Variants in GPAT2 observed in about 807,000 individuals in gnomAD.
The protein encoded by GPAT2 is glycerol-3-phosphate acyltransferase 2, mitochondrial.
In GPAT2, 51 loss-of-function variants were observed where a neutral mutation model predicts 71.0. That is an observed-to-expected ratio of 0.72 (90% CI 0.57 to 0.91). GPAT2 has a LOEUF of 0.91. Ranked by LOEUF, GPAT2 falls within the 40% of genes least tolerant of loss-of-function variation. The pLI is 0.00. For missense variants in GPAT2, 511 were observed against 666.0 expected (o/e 0.77, Z 2.56); for synonymous variants, 222 against 290.3 (o/e 0.76, Z 2.39).
rs1393427172 is a variant in GPAT2 at position 96,023,409 on chromosome 2, CCT to C, written c.1944_1945del (p.Gly649AlafsTer18). The C allele has an allele frequency of 6.2e-7, 1 of 1,613,998 alleles. No homozygotes were observed. The highest frequency in any genetic ancestry group is 1.3e-5 in the African/African-American group (1 of 74,946). On this transcript the variant is annotated frameshift_variant, in exon 18 of 22. Coordinates refer to ENST00000434632, the MANE Select transcript of GPAT2 (RefSeq NM_001321527.2). LOFTEE classifies it high-confidence loss of function. ...CAGCTTTCTGCTCAATCGCTGTCGC[CCT>C]GTGTCACAGGCTGGCCGGGAGCCTG...
rs762053866 is a variant in GPAT2, at chr2:96,024,453, G to A, written c.1661C>T (p.Pro554Leu). 6.2e-7 allele frequency: 1 copy of A among 1,613,902 alleles called. No individual in the cohort carries two copies. Among genetic ancestry groups the A allele is most frequent in the African/African-American group, 1.3e-5 (1 of 75,038 alleles). The change falls in exon 15 of 22, where the codon CCC becomes CTC. Residue 554 changes from proline (P) to leucine (L), a missense_variant. Pro to Leu is a moderately conservative substitution (Grantham distance 98). Coordinates refer to ENST00000434632, the MANE Select transcript of GPAT2 (RefSeq NM_001321527.2). ...GCCCACAGCCTCGCTCAGGAAGACG[G>A]GCAGCAGCTCAGCACTCAGTTGTGC... ...HLAQLSAELL[P>L]VFLSEAVGAC...
chr2:96,023,264 C>T (rs369099389), intron 18 of GPAT2, 38 bp from the exon 19 acceptor site: 62 of 1,613,570 alleles, frequency 3.8e-5, no homozygotes, highest in Admixed American at 1.0e-4. Context: ...AGCTCCCCAC[C>T]GCCTCCCTAC....
rs769381236 is a variant in GPAT2 at position 96,025,477 on chromosome 2, A to G, written c.1357+8T>C. 33 of 1,572,084 alleles carry G rather than the reference A, an allele frequency of 2.1e-5. No individual in the cohort carries two copies. The South Asian group carries it at 3.1e-4, about 15-fold the overall frequency. On this transcript the variant is annotated splice_region_variant and intron_variant, in intron 13 of 21. Transcript: ENST00000434632. ...ACCCGCAAAGGCCCAGATCTGGTTCACCCTCACCACTCAGGACATGACAGC... is the reference window on the plus strand; with the variant it reads ...ACCCGCAAAGGCCCAGATCTGGTTCGCCCTCACCACTCAGGACATGACAGC...
intron 20 of GPAT2, 87 bp downstream of exon 20, chr2:96,022,871 G>C (rs1214780623): frequency 3.7e-6 from 6 of 1,612,168 alleles, no homozygotes; most frequent in Non-Finnish European, 2.5e-6. Flanking sequence ...CCTTCCTAGA[G>C]TTGGGTTGTC....
rs770551294 is a variant in GPAT2 at position 96,022,992 on chromosome 2, G to C, written c.2199C>G (p.Phe733Leu). 1.9e-6 allele frequency: 3 copies of C among 1,613,950 alleles called. No individual in the cohort carries two copies. The highest frequency in any genetic ancestry group is 1.3e-5 in the African/African-American group (1 of 75,058). The change falls in exon 20 of 22, where the codon TTC becomes TTG. Residue 733 changes from phenylalanine to leucine, a missense_variant. By Grantham distance (22) the Phe-to-Leu change is conservative (BLOSUM62 0). Around this residue, in one of 7 missense-constraint regions of GPAT2, gnomAD observed 108 missense variants for 117.6 expected, o/e 0.92. Coordinates refer to ENST00000434632, the MANE Select transcript of GPAT2 (RefSeq NM_001321527.2). ...CTTCTTCCTGGGCGGTGGCCTGCAG[G>C]AACTGGAACAGCTGCTCTGTGTAGC... Reference protein sequence around the residue: ...ELGYTEQLFQFLQATAQEEGI... With the variant: ...ELGYTEQLFQLLQATAQEEGI...
rs779152625 is a variant in GPAT2, at chr2:96,022,958, C to A, written c.2233G>T (p.Glu745Ter). ...QATAQEEGIF[E>*]CADPKLAISA... ...CCTGGGCTGACTGGTTGGGACTCAC[C>A]GAAGATCCCTTCTTCCTGGGCGGTG... Residue 745 changes from glutamate to a stop codon, truncating the protein, a stop_gained and splice_region_variant, in exon 20 of 22, where the codon GAG (glutamate) becomes TAG (stop). Coordinates refer to ENST00000434632, the MANE Select transcript of GPAT2 (RefSeq NM_001321527.2). LOFTEE classifies it high-confidence loss of function. 1 of 1,613,830 alleles carries A rather than the reference C, an allele frequency of 6.2e-7. No individual in the cohort carries two copies. The highest frequency in any genetic ancestry group is 8.5e-7 in the Non-Finnish European group (1 of 1,179,872).
chr2:96,024,182 G>C lies in GPAT2; in HGVS notation c.1836+7C>G, dbSNP rs765565978. Reference sequence around the variant, plus strand: ...TAGGACCAAGTGGGCCGTAGGGGAGGCCTGACCTTTAGCAGCAGCAGGTCT... The same window carrying C: ...TAGGACCAAGTGGGCCGTAGGGGAGCCCTGACCTTTAGCAGCAGCAGGTCT... On this transcript the variant is annotated splice_region_variant and intron_variant, in intron 16 of 21. Coordinates refer to ENST00000434632, the MANE Select transcript of GPAT2 (RefSeq NM_001321527.2). 4.0e-6 allele frequency: 6 copies of C among 1,515,976 alleles called. No individual in the cohort carries two copies. Among genetic ancestry groups the C allele is most frequent in the Non-Finnish European group, 4.4e-6 (5 of 1,129,716 alleles). 93.9% of individuals were successfully genotyped at this position (1,515,976 alleles called of 1,614,324 possible). A position where few individuals can be genotyped will look rare whatever the true frequency, so the allele number is the denominator to read the frequency against.
chr2:96,024,525 C>A lies in GPAT2; in HGVS notation c.1589G>T (p.Gly530Val), dbSNP rs769679482. The part of the protein sequence containing the change: ...AHVALLRIRQ[G>V]DLLVVPQPGP... ...AGGCTGCGGCACCACCAGCAAGTCA[C>A]CCTGACGGATGCGCAGCAGGGCCAC... Residue 530 changes from glycine (G) to valine (V), a missense_variant, in exon 15 of 22, where the codon GGT (glycine) becomes GTT (valine). By Grantham distance (109) the Gly-to-Val change is moderately radical. Transcript: ENST00000434632. 6.2e-6 allele frequency: 10 copies of A among 1,613,794 alleles called. No individual in the cohort carries two copies. In the Admixed American group the frequency reaches 1.2e-4, roughly 19 times the overall value.
rs1679992744 is a variant in GPAT2, at chr2:96,023,628, G to A, written c.1915-188C>T. 5.8e-6 allele frequency: 4 copies of A among 685,590 alleles called. No individual in the cohort carries two copies. The South Asian group carries it at 7.6e-5, about 13-fold the overall frequency. The allele number at this position is 685,590 out of a possible 1,614,324, so 42.5% of individuals were successfully genotyped here. A position where few individuals can be genotyped will look rare whatever the true frequency, so the allele number is the denominator to read the frequency against. On this transcript the variant is annotated intron_variant, in intron 17 of 21. Transcript: ENST00000434632. Reference sequence around the variant, plus strand: ...GAGGAAGTGAATTCCCACCCTCAAGGGCAGTAGCCCTGTGGCCAAGAAATG... The same window carrying A: ...GAGGAAGTGAATTCCCACCCTCAAGAGCAGTAGCCCTGTGGCCAAGAAATG...
In GPAT2 at chr2:96,022,959, G is replaced by C. The variant is rs748507436; in HGVS notation, c.2232C>G (p.Phe744Leu). The C allele has an allele frequency of 1.2e-6, 2 of 1,613,818 alleles. No individual in the cohort carries two copies. The highest frequency in any genetic ancestry group is 1.7e-4 in the Middle Eastern group (1 of 6,024). ...LQATAQEEGI[F>L]ECADPKLAIS... ...CTGGGCTGACTGGTTGGGACTCACCGAAGATCCCTTCTTCCTGGGCGGTGG... is the reference window on the plus strand; with the variant it reads ...CTGGGCTGACTGGTTGGGACTCACCCAAGATCCCTTCTTCCTGGGCGGTGG... The change falls in exon 20 of 22, where the codon TTC (phenylalanine) becomes TTG (leucine). Residue 744 changes from phenylalanine to leucine, a missense_variant and splice_region_variant. Around this residue, in one of 7 missense-constraint regions of GPAT2, gnomAD observed 108 missense variants for 117.6 expected, o/e 0.92. Coordinates refer to ENST00000434632, the MANE Select transcript of GPAT2 (RefSeq NM_001321527.2).
At chr2:96,025,022 G>C (rs1242231905) in intron 13 of GPAT2, 179 bp from the exon 14 acceptor site, 2 of 702,770 alleles carry the variant, frequency 2.8e-6, no homozygotes, top group Non-Finnish European at 4.9e-6. Context: ...GGAGCTGGGG[G>C]CCTTCCCCTG....
In GPAT2 at chr2:96,025,610, T is replaced by A; in HGVS notation, c.1239-7A>T. 2 of 1,559,824 alleles carry A rather than the reference T, an allele frequency of 1.3e-6. No homozygotes were observed. Among genetic ancestry groups the A allele is most frequent in the Non-Finnish European group, 1.7e-6 (2 of 1,154,558 alleles). Reference sequence around the variant, plus strand: ...AGTGTCTGGGACAGCAGTACTGAGATAGAGACACAGATTACAGGATGAAGG... The same window carrying A: ...AGTGTCTGGGACAGCAGTACTGAGAAAGAGACACAGATTACAGGATGAAGG... On this transcript the variant is annotated splice_polypyrimidine_tract_variant and splice_region_variant and intron_variant, in intron 12 of 21. Coordinates refer to ENST00000434632, the MANE Select transcript of GPAT2 (RefSeq NM_001321527.2).
At chr2:96,033,885 A>G (rs932645779) in intron 1 of GPAT2, among the ~76,000 whole-genome samples, 1 of 136,666 alleles carries the variant, frequency 7.3e-6, no homozygotes, top group African/African-American at 2.7e-5. Context: ...CCCATCTGCC[A>G]GTTAACAACA....
At position 96,022,020 on chromosome 2, in the gene GPAT2, A is replaced by G; in HGVS notation, c.*139T>C. 1 of 1,465,194 alleles carries G rather than the reference A, an allele frequency of 6.8e-7. No individual in the cohort carries two copies. Among genetic ancestry groups the G allele is most frequent in the South Asian group, 1.4e-5 (1 of 70,846 alleles). 90.8% of individuals were successfully genotyped at this position (1,465,194 alleles called of 1,614,324 possible). A position where few individuals can be genotyped will look rare whatever the true frequency, so the allele number is the denominator to read the frequency against. On this transcript the variant is annotated 3_prime_UTR_variant, in exon 22 of 22. Coordinates refer to ENST00000434632, the MANE Select transcript of GPAT2 (RefSeq NM_001321527.2). ...CATCAAAGAAGGGAAAAAGCAAGAG[A>G]TGGCAAGGGACAATCAAGCCTCAAT...
At chr2:96,022,853 G>T (rs189763815) in intron 20 of GPAT2, 105 bp downstream of exon 20, 19 of 1,612,036 alleles carry the variant, frequency 1.2e-5, no homozygotes, top group Admixed American at 1.2e-4. Context: ...ACTGTACTCT[G>T]CAGCCTGCCT....
chr2:96,023,388 T>C lies in GPAT2; in HGVS notation c.1967A>G (p.Lys656Arg), dbSNP rs1669592275. Residue 656 changes from lysine to arginine, a missense_variant, in exon 18 of 22, where the codon AAG (lysine) becomes AGG (arginine). Physicochemically the swap from Lys to Arg is conservative, Grantham distance 26. Around this residue, in one of 7 missense-constraint regions of GPAT2, gnomAD observed 295 missense variants for 305.5 expected, o/e 0.97. Transcript: ENST00000434632. ...GTCCCCACTCGGTTTCCACAGCAGC[T>C]TTCTGCTCAATCGCTGTCGCCCTGT... Reference protein sequence around the residue: ...CDTGRQRLSRKLLWKPSGDFT... With the variant: ...CDTGRQRLSRRLLWKPSGDFT... The C allele has an allele frequency of 1.2e-6, 2 of 1,614,066 alleles. No individual in the cohort carries two copies. The highest frequency in any genetic ancestry group is 2.7e-5 in the African/African-American group (2 of 74,962).
chr2:96,024,823 C>T lies in GPAT2; in HGVS notation c.1378G>A (p.Val460Met). The T allele has an allele frequency of 6.2e-7, 1 of 1,613,420 alleles. No homozygotes were observed. Among genetic ancestry groups the T allele is most frequent in the Non-Finnish European group, 8.5e-7 (1 of 1,179,970 alleles). Residue 460 changes from valine to methionine, a missense_variant, in exon 14 of 22, where the codon GTG (valine) becomes ATG (methionine). Around this residue, in one of 7 missense-constraint regions of GPAT2, gnomAD observed 295 missense variants for 305.5 expected, o/e 0.97. Coordinates refer to ENST00000434632, the MANE Select transcript of GPAT2 (RefSeq NM_001321527.2). ...VLSASVGSSA[V>M]MSTAIMATLL... ...GTTGCCATAATGGCCGTGCTCATCACCGCAGAGCTCCCTACACTGGCTGGA... is the reference window on the plus strand; with the variant it reads ...GTTGCCATAATGGCCGTGCTCATCATCGCAGAGCTCCCTACACTGGCTGGA...
Position 96,023,963 on chromosome 2 carries a change from A to G in GPAT2, c.1874T>C (p.Leu625Pro). Residue 625 changes from leucine to proline, a missense_variant, in exon 17 of 22, where the codon CTG becomes CCG. Leu to Pro is a moderately conservative substitution (Grantham distance 98, BLOSUM62 -3). Transcript: ENST00000434632. ...QSSYCYCQEV[L>P]DRLIQCGLLV... is the part of the protein sequence containing the mutation. Reference sequence around the variant, plus strand: ...GAGCCCGCATTGGATGAGCCGGTCCAGCACCTCCTGACAGTAGCAGTAGGA... The same window carrying G: ...GAGCCCGCATTGGATGAGCCGGTCCGGCACCTCCTGACAGTAGCAGTAGGA... 6.2e-7 allele frequency: 1 copy of G among 1,607,346 alleles called. No homozygotes were observed. Among genetic ancestry groups the G allele is most frequent in the Non-Finnish European group, 8.5e-7 (1 of 1,177,188 alleles).
rs761549572 is a variant in GPAT2 at position 96,024,625 on chromosome 2, G to A, written c.1489C>T (p.Arg497Cys). ...CCAGAGAAGCCTACATCAAAGCCAC[G>A]CAACAGTATCTCCTCCGTCAGCCAG... ...FSWLTEEILL[R>C]GFDVGFSGQL... The change falls in exon 15 of 22, where the codon CGT (arginine) becomes TGT (cysteine). Residue 497 changes from arginine (R) to cysteine (C), a missense_variant. Physicochemically the swap from Arg to Cys is radical, Grantham distance 180. Coordinates refer to ENST00000434632, the MANE Select transcript of GPAT2 (RefSeq NM_001321527.2). The A allele has an allele frequency of 2.2e-5, 35 of 1,613,768 alleles. No homozygotes were observed. Among genetic ancestry groups the A allele is most frequent in the East Asian group, 4.5e-5 (2 of 44,888 alleles).
Sources: gnomAD v4.1 joint callset for allele counts (sites outside exome capture counted in the v4.1 genomes callset) on GRCh38, gnomAD v4.1.1 for gene constraint, gnomAD v4.1.1 regional missense constraint, MANE v1.5 for transcripts, NCBI Gene and HGNC (gene_info 2026-07-23, HGNC 2026-07-21) for gene names.